The following ANKRD31 variants were observed in gnomAD, a reference collection of about 807,000 sequenced individuals.
ANKRD31 encodes the protein ankyrin repeat domain-containing protein 31.
ANKRD31 carries 147 observed loss-of-function variants against 186.0 expected under a neutral mutation model. That is an observed-to-expected ratio of 0.79 (90% CI 0.69 to 0.91). The LOEUF (loss-of-function observed/expected upper bound fraction) is 0.91. ANKRD31 is among the 40% of genes least tolerant of loss of function. The pLI is 0.00. For missense variants in ANKRD31, 1,986 were observed against 2,148.8 expected (o/e 0.92, Z 1.50); for synonymous variants, 673 against 736.4 (o/e 0.91, Z 1.39).
At chr5:75,228,128 C>A (rs1161131566) in intron 2 of ANKRD31, among the ~76,000 whole-genome samples, 1 of 152,076 alleles carries the variant, frequency 6.6e-6, no homozygotes, top group African/African-American at 2.4e-5. Flanking sequence ...TACTATATGG[C>A]CATTGAAAGG....
intron 22 of ANKRD31, among the ~76,000 whole-genome samples, chr5:75,101,064 A>C (rs895527327): frequency 6.6e-6 from 1 of 152,136 alleles, no homozygotes; most frequent in Admixed American, 6.5e-5. Flanking sequence ...GGCTGGTACC[A>C]GCTGTTCCTT....
At position 75,193,295 on chromosome 5, in the gene ANKRD31, T is replaced by C. The variant is rs1755240109; in HGVS notation, c.1298+16A>G. On this transcript the variant is annotated intron_variant, in intron 8 of 25. Coordinates refer to ENST00000506364, the MANE Select transcript of ANKRD31 (RefSeq NM_001372053.1). ...TATAGCATACCTGGAGATAAAGACA[T>C]AATTTCATTGCATACCTGAAATTCT... is the stretch of plus-strand genomic sequence containing the variant. 1.3e-6 allele frequency: 2 copies of C among 1,533,418 alleles called. No individual in the cohort carries two copies. The highest frequency in any genetic ancestry group is 1.7e-6 in the Non-Finnish European group (2 of 1,145,040). 95.0% of individuals were successfully genotyped at this position (1,533,418 alleles called of 1,614,324 possible).
At chr5:75,198,126 G>A (rs547598339) in intron 6 of ANKRD31, among the ~76,000 whole-genome samples, 14 of 152,248 alleles carry the variant, frequency 9.2e-5, no homozygotes, top group African/African-American at 2.6e-4. Flanking sequence ...ATACCTTACC[G>A]TAAATGGTCA....
At chr5:75,081,585 T>A (rs543695537) in intron 24 of ANKRD31, among the ~76,000 whole-genome samples, 3 of 152,266 alleles carry the variant, frequency 2.0e-5, no homozygotes, top group African/African-American at 7.2e-5. Context: ...AGGAAATACT[T>A]ACTGCTCTGC....
chr5:75,084,764 C>G (rs775800454), intron 23 of ANKRD31, among the ~76,000 whole-genome samples: 4 of 152,164 alleles, frequency 2.6e-5, no homozygotes, highest in Non-Finnish European at 5.9e-5. Context: ...TACTTTATAA[C>G]TTTAAAAATT....
intron 17 of ANKRD31, among the ~76,000 whole-genome samples, chr5:75,126,285 T>C (rs540768707): frequency 1.3e-5 from 2 of 152,120 alleles, no homozygotes; most frequent in African/African-American, 4.8e-5. Flanking sequence ...CTACTAAAAA[T>C]ACAAAAATTA....
intron 3 of ANKRD31, among the ~76,000 whole-genome samples, chr5:75,216,953 T>TTGATTTC (rs1392486939): frequency 1.3e-5 from 2 of 152,206 alleles, no homozygotes; most frequent in African/African-American, 4.8e-5. Context: ...AAAGAATGTC[T>TTGATTTC]TGATTTCTGC....
chr5:75,085,550 C>A (rs983162942), intron 23 of ANKRD31, among the ~76,000 whole-genome samples: 1 of 151,988 alleles, frequency 6.6e-6, no homozygotes, highest in African/African-American at 2.4e-5. Flanking sequence ...TACAAGTGTG[C>A]GCCACCACGC....
intron 1 of ANKRD31, among the ~76,000 whole-genome samples, chr5:75,234,787 T>G (rs755904457): frequency 9.2e-5 from 14 of 152,122 alleles, no homozygotes; most frequent in Non-Finnish European, 1.9e-4. Flanking sequence ...TTTCTTCCTC[T>G]ACAGTTATAA....
At chr5:75,108,991 T>C (rs1217508244) in intron 20 of ANKRD31, among the ~76,000 whole-genome samples, 1 of 152,200 alleles carries the variant, frequency 6.6e-6, no homozygotes, top group Non-Finnish European at 1.5e-5. Flanking sequence ...TATAATTTGG[T>C]ATCACACACT....
intron 24 of ANKRD31, among the ~76,000 whole-genome samples, chr5:75,082,862 A>T (rs1029848269): frequency 6.6e-6 from 1 of 152,204 alleles, no homozygotes; most frequent in African/African-American, 2.4e-5. Flanking sequence ...AGAAAATAAC[A>T]AGTATTGCAG....
chr5:75,131,770 G>A (rs1042704825), intron 17 of ANKRD31, among the ~76,000 whole-genome samples: 3 of 151,298 alleles, frequency 2.0e-5, no homozygotes, highest in Admixed American at 6.6e-5. Context: ...ATTAGGGGCC[G>A]ACTGACACCT....
intron 2 of ANKRD31, chr5:75,225,479 TG>T: frequency 5.3e-6 from 1 of 187,750 alleles, no homozygotes. Context: ...GTAGGCAGGA[TG>T]GTCATACAGT....
Position 75,146,172 on chromosome 5 carries a change from G to A in ANKRD31, c.3239C>T (p.Pro1080Leu), listed in dbSNP as rs1045142215. Residue 1080 changes from proline to leucine, a missense_variant, in exon 14 of 26, where the codon CCT becomes CTT. By Grantham distance (98) the Pro-to-Leu change is moderately conservative. Transcript: ENST00000506364. The stretch of plus-strand genomic sequence containing the variant: ...TTGAGAATGAGCAACTATGGATAAA[G>A]GCTCATTTGAATAAATTATTTTTTG... ...RDQKIIYSNE[P>L]LSIVAHSQVI... The A allele has an allele frequency of 1.5e-5, 23 of 1,535,536 alleles. No homozygotes were observed. The highest frequency in any genetic ancestry group is 1.8e-5 in the Non-Finnish European group (21 of 1,146,190).
In ANKRD31 at chr5:75,169,080, G is replaced by C. The variant is rs761488690; in HGVS notation, c.1606C>G (p.Arg536Gly). 80 of 1,536,736 alleles carry C rather than the reference G, an allele frequency of 5.2e-5. 1 individual carries two copies. Among genetic ancestry groups the C allele is most frequent in the Non-Finnish European group, 6.8e-5 (78 of 1,146,552 alleles). The change falls in exon 11 of 26, where the codon CGG (arginine) becomes GGG (glycine). Residue 536 changes from arginine (R) to glycine (G), a missense_variant. Transcript: ENST00000506364. The stretch of plus-strand genomic sequence containing the variant: ...CCTTTTAATAGTTCACTTGCTGTCC[G>C]ATAAAATCCTCCTACACTAGCTTCA... ...LHEASVGGFY[R>G]TASELLKGGA...
chr5:75,140,217 GAAAAGA>G (rs1157453383), intron 15 of ANKRD31, among the ~76,000 whole-genome samples: 2 of 130,798 alleles, frequency 1.5e-5, no homozygotes, highest in East Asian at 4.6e-4. Context: ...AAAAAGAAAA[GAAAAGA>G]AAAGAAAGAA....
intron 1 of ANKRD31, among the ~76,000 whole-genome samples, chr5:75,236,270 G>A (rs962937488): frequency 2.6e-5 from 4 of 152,298 alleles, no homozygotes; most frequent in Non-Finnish European, 4.4e-5. Flanking sequence ...ATGCAGTTAA[G>A]TTCAGACCCA....
chr5:75,114,650 A>G (rs1748055192), intron 19 of ANKRD31, among the ~76,000 whole-genome samples: 3 of 152,148 alleles, frequency 2.0e-5, no homozygotes, highest in Admixed American at 2.0e-4. Context: ...GTGAACTCCC[A>G]TTCACAATTG....
intron 1 of ANKRD31, among the ~76,000 whole-genome samples, chr5:75,231,906 AACACACACACACACACACAC>A (rs56755264): frequency 3.2e-4 from 46 of 144,710 alleles, no homozygotes; most frequent in South Asian, 6.7e-4. Flanking sequence ...ACTGTCTCAA[AACACACACACACACACACAC>A]ACACACACAC....
Sources: allele counts gnomAD v4.1 joint callset (sites outside exome capture counted in the v4.1 genomes callset), GRCh38; gene constraint gnomAD v4.1.1; transcripts MANE v1.5; gene names NCBI Gene and HGNC (gene_info 2026-07-23, HGNC 2026-07-21).